Variants in DMD observed in about 807,000 individuals in gnomAD.
DMD encodes the protein dystrophin.
DMD carries 63 observed loss-of-function variants against 330.1 expected under a neutral mutation model. That is an observed-to-expected ratio of 0.19 (90% CI 0.16 to 0.24). DMD has a LOEUF of 0.24. Ranked by LOEUF, DMD falls within the 10% of genes least tolerant of loss-of-function variation. DMD has a pLI of 1.00. For missense variants in DMD, 3,344 were observed against 2,684.1 expected (o/e 1.25, Z -5.43); for synonymous variants, 1,223 against 959.8 (o/e 1.27, Z -5.07).
At chrX:33,113,777 A>T (rs1603299649) in intron 1 of DMD, among the ~76,000 whole-genome samples, 4 of 111,734 alleles carry the variant, frequency 3.6e-5, no homozygotes, top group Middle Eastern at 4.6e-3. Flanking sequence ...TTCCCAAAAG[A>T]TCAGTTGTCA....
intron 2 of DMD, among the ~76,000 whole-genome samples, chrX:33,001,976 T>C (rs916443715): frequency 1.3e-4 from 14 of 111,466 alleles, no homozygotes; most frequent in African/African-American, 3.9e-4. Context: ...CTATAGAAAA[T>C]TGTGAAAGAA....
intron 1 of DMD, among the ~76,000 whole-genome samples, chrX:33,179,537 C>CA (rs746814663): frequency 9.2e-6 from 1 of 108,497 alleles, no homozygotes; most frequent in Admixed American, 9.9e-5. Flanking sequence ...ACTAAAAATA[C>CA]AAAAAAATTA....
intron 11 of DMD, among the ~76,000 whole-genome samples, chrX:32,622,461 ATAAAT>A (rs966076494): frequency 3.0e-4 from 34 of 111,997 alleles, no homozygotes; most frequent in African/African-American, 1.0e-3. Flanking sequence ...CTAATTGAAA[ATAAAT>A]TGAAATTTTT....
At chrX:31,744,997 T>C (rs2087706388) in intron 51 of DMD, among the ~76,000 whole-genome samples, 2 of 111,515 alleles carry the variant, frequency 1.8e-5, no homozygotes, top group African/African-American at 6.5e-5. Context: ...TACCCAATAA[T>C]AGAAGACAAT....
chrX:31,427,961 A>G (rs1321838174), intron 60 of DMD, among the ~76,000 whole-genome samples: 1 of 111,948 alleles, frequency 8.9e-6, no homozygotes, highest in Non-Finnish European at 1.9e-5. Flanking sequence ...GAGAAAGAGA[A>G]AGAGTGGTTT....
intron 43 of DMD, among the ~76,000 whole-genome samples, chrX:32,285,872 G>A (rs748220542): frequency 2.7e-5 from 3 of 110,188 alleles, no homozygotes; most frequent in South Asian, 4.0e-4. Flanking sequence ...GGTCATTTTT[G>A]TATTTTTAAT....
At chrX:32,315,380 G>C (rs759411661) in intron 41 of DMD, among the ~76,000 whole-genome samples, 1 of 110,649 alleles carries the variant, frequency 9.0e-6, no homozygotes. Flanking sequence ...TGGGGGGCAA[G>C]GGGAGGGATA....
intron 62 of DMD, among the ~76,000 whole-genome samples, chrX:31,314,894 G>C (rs1382588935): frequency 9.0e-6 from 1 of 111,439 alleles, no homozygotes; most frequent in African/African-American, 3.3e-5. Flanking sequence ...ATGGGATTTG[G>C]AGTTTTCCCA....
At chrX:31,831,772 T>G (rs1389196626) in intron 49 of DMD, among the ~76,000 whole-genome samples, 2 of 110,854 alleles carry the variant, frequency 1.8e-5, no homozygotes, top group Non-Finnish European at 3.8e-5. Flanking sequence ...CTAATTTTGT[T>G]TTTGTATTTT....
At chrX:32,130,950 C>A (rs1009990692) in intron 44 of DMD, among the ~76,000 whole-genome samples, 1 of 111,759 alleles carries the variant, frequency 8.9e-6, no homozygotes, top group Non-Finnish European at 1.9e-5. Flanking sequence ...TTTGGGAGGC[C>A]GTGGAGGGCA....
chrX:33,007,999 G>C (rs1410149613), intron 2 of DMD, among the ~76,000 whole-genome samples: 1 of 111,036 alleles, frequency 9.0e-6, no homozygotes, highest in Admixed American at 9.6e-5. Context: ...ACTCTCATTT[G>C]TTCTCATTAA....
At chrX:32,980,017 A>G (rs2092661140) in intron 2 of DMD, among the ~76,000 whole-genome samples, 1 of 111,353 alleles carries the variant, frequency 9.0e-6, no homozygotes, top group Admixed American at 9.6e-5. Context: ...GAAGAGTTAT[A>G]AACAACAGTC....
chrX:31,315,442 T>C (rs1419403139), intron 62 of DMD, among the ~76,000 whole-genome samples: 1 of 112,407 alleles, frequency 8.9e-6, no homozygotes, highest in East Asian at 2.8e-4. Flanking sequence ...ATGATACAGT[T>C]GTTTCAAATG....
chrX:31,418,700 C>T (rs138665100), intron 60 of DMD, among the ~76,000 whole-genome samples: 15 of 112,143 alleles, frequency 1.3e-4, no homozygotes, highest in East Asian at 2.8e-4. Context: ...TCTTTATTTA[C>T]GAAAGGATGA....
intron 7 of DMD, among the ~76,000 whole-genome samples, chrX:32,767,147 T>TA (rs2073083954): frequency 8.9e-6 from 1 of 111,747 alleles, no homozygotes; most frequent in Admixed American, 9.5e-5. Flanking sequence ...TAACAGAAGC[T>TA]AAAGGCACCT....
intron 47 of DMD, among the ~76,000 whole-genome samples, chrX:31,890,644 C>T (rs939774135): frequency 4.5e-5 from 5 of 110,877 alleles, no homozygotes; most frequent in Non-Finnish European, 9.4e-5. Context: ...TTTTTGAAAG[C>T]GTAACATTTT....
intron 60 of DMD, among the ~76,000 whole-genome samples, chrX:31,357,117 TAAATC>T (rs201156084): frequency 0.011 from 1,275 of 111,602 alleles, 14 homozygotes; most frequent in African/African-American, 0.039. Flanking sequence ...ATCATTACAT[TAAATC>T]ATTTACATTC....
At chrX:32,599,603 T>TG (rs2055953671) in intron 12 of DMD, among the ~76,000 whole-genome samples, 1 of 110,336 alleles carries the variant, frequency 9.1e-6, no homozygotes, top group East Asian at 2.8e-4. Context: ...CAAATATAGA[T>TG]GCATCCCTAG....
intron 44 of DMD, among the ~76,000 whole-genome samples, chrX:32,010,917 A>T (rs1443689165): frequency 1.8e-5 from 2 of 112,309 alleles, no homozygotes; most frequent in Non-Finnish European, 3.8e-5. Context: ...TTCCATGAAC[A>T]ACTAAAAAAC....
Sources: gnomAD v4.1 joint callset for allele counts (sites outside exome capture counted in the v4.1 genomes callset) on GRCh38, gnomAD v4.1.1 for gene constraint, MANE v1.5 for transcripts, NCBI Gene and HGNC (gene_info 2026-07-23, HGNC 2026-07-21) for gene names.